NFIB: variants seen among roughly 807,000 people sequenced by gnomAD.
The protein encoded by NFIB is nuclear factor 1 B-type.
In NFIB, 11 loss-of-function variants were observed where a neutral mutation model predicts 61.5. The observed-to-expected ratio is 0.18, with a 90% CI of 0.11 to 0.30. The LOEUF (loss-of-function observed/expected upper bound fraction) is 0.30. Among genes scored for constraint, NFIB ranks in the 10% least tolerant of loss-of-function variants. NFIB has a pLI of 1.00. For synonymous variants in NFIB, 260 were observed against 216.5 expected (o/e 1.20, Z -1.76); for missense variants, 471 against 608.9 (o/e 0.77, Z 2.38).
intron 3 of NFIB, among the ~76,000 whole-genome samples, chr9:14,163,047 C>T (rs1056544458): frequency 1.7e-4 from 26 of 152,174 alleles, no homozygotes; most frequent in African/African-American, 6.0e-4. Flanking sequence ...AACTCTTCTA[C>T]ACCTCACATT....
At chr9:14,473,922 T>C in the NFIB span, among the ~76,000 whole-genome samples, 1 of 152,200 alleles carries the variant, frequency 6.6e-6, no homozygotes, top group Non-Finnish European at 1.5e-5. Context: ...CTCCTAAGTA[T>C]TGACTGTGGC....
chr9:14,396,070 C>A (rs954677760), intron 1 of NFIB, among the ~76,000 whole-genome samples: 4 of 152,218 alleles, frequency 2.6e-5, no homozygotes, highest in African/African-American at 9.6e-5. Flanking sequence ...GAGGCTTTTG[C>A]AGCCGATTCC....
Position 14,313,380 on chromosome 9 carries a change from G to C in NFIB, c.30+102C>G, listed in dbSNP as rs961007372. ...CCGGGCCACTTCTCCAAGGGACGGG[G>C]ATGTGCGGAGGTTAACTCAAGCCGC... is the stretch of plus-strand genomic sequence containing the variant. On this transcript the variant is annotated intron_variant, in intron 1 of 10. Transcript: ENST00000380953. This position sits in a 1 kb window ranked among gnomAD's most constrained non-coding sequence, Gnocchi z 4.5. The C allele has an allele frequency of 2.7e-5, 41 of 1,532,772 alleles. No homozygotes were observed. Among genetic ancestry groups the C allele is most frequent in the Non-Finnish European group, 3.3e-5 (37 of 1,113,994 alleles). 94.9% of individuals were successfully genotyped at this position (1,532,772 alleles called of 1,614,324 possible).
At chr9:14,500,467 G>A in the NFIB span, among the ~76,000 whole-genome samples, 1 of 152,118 alleles carries the variant, frequency 6.6e-6, no homozygotes, top group Non-Finnish European at 1.5e-5. Flanking sequence ...GAGACTTCTA[G>A]TGAGAGTTGC....
chr9:14,458,744 T>C, the NFIB span, among the ~76,000 whole-genome samples: 2 of 152,054 alleles, frequency 1.3e-5, no homozygotes, highest in East Asian at 3.9e-4. Flanking sequence ...GAGAGCCAAA[T>C]CATGAGTAAA....
chr9:14,342,683 C>T (rs1300219228), intron 1 of NFIB, among the ~76,000 whole-genome samples: 2 of 152,082 alleles, frequency 1.3e-5, no homozygotes, highest in East Asian at 1.9e-4. Context: ...TAATAAGTGG[C>T]CAATTATATT....
At chr9:14,373,758 G>T (rs1482921102) in intron 1 of NFIB, among the ~76,000 whole-genome samples, 1 of 151,940 alleles carries the variant, frequency 6.6e-6, no homozygotes, top group African/African-American at 2.4e-5. Flanking sequence ...GTTGGAATAA[G>T]ATTTGGCAGG....
chr9:14,218,787 A>G (rs1355409927), intron 2 of NFIB, among the ~76,000 whole-genome samples: 1 of 152,152 alleles, frequency 6.6e-6, no homozygotes, highest in Non-Finnish European at 1.5e-5. Context: ...GGATGCCTAG[A>G]TTTCTATTAA....
the NFIB span, among the ~76,000 whole-genome samples, chr9:14,447,977 T>A: frequency 6.6e-6 from 1 of 152,210 alleles, no homozygotes; most frequent in Non-Finnish European, 1.5e-5. Context: ...GGAAGTCCTC[T>A]ATTGATACTT....
At chr9:14,429,147 C>A in the NFIB span, among the ~76,000 whole-genome samples, 3 of 152,110 alleles carry the variant, frequency 2.0e-5, no homozygotes, top group African/African-American at 7.2e-5. Flanking sequence ...GTGGCACAAC[C>A]CAAGGCATGT....
At chr9:14,224,423 A>G (rs2131860555) in intron 2 of NFIB, among the ~76,000 whole-genome samples, 1 of 152,330 alleles carries the variant, frequency 6.6e-6, no homozygotes, top group East Asian at 1.9e-4. Context: ...TCACAGTTGG[A>G]TGTTCTGCCC....
In NFIB at chr9:14,120,568, T is replaced by G. The variant is rs775377230; in HGVS notation, c.1117A>C (p.Ile373Leu). 8 of 1,613,734 alleles carry G rather than the reference T, an allele frequency of 5.0e-6. No individual in the cohort carries two copies. In the Admixed American group the frequency reaches 1.3e-4, roughly 27 times the overall value. ...TAGCTCGATGGGGCTGGAGGAAGGATAGCTTGTGTTGGAAATGGCAACGGT... is the reference window on the plus strand; with the variant it reads ...TAGCTCGATGGGGCTGGAGGAAGGAGAGCTTGTGTTGGAAATGGCAACGGT... ...PSPLPFPTQA[I>L]LPPAPSSYFS... The change falls in exon 8 of 11, where the codon ATC becomes CTC. Residue 373 changes from isoleucine (I) to leucine (L), a missense_variant. By Grantham distance (5) the Ile-to-Leu change is conservative (BLOSUM62 2). Transcript: ENST00000380953. The surrounding 1 kb of genome is among the most constrained non-coding windows in gnomAD (Gnocchi z 4.4).
chr9:14,432,772 T>C, the NFIB span, among the ~76,000 whole-genome samples: 15 of 152,264 alleles, frequency 9.9e-5, no homozygotes, highest in African/African-American at 3.4e-4. Flanking sequence ...AAAGTGGGTA[T>C]TGAAAGAGGA....
chr9:14,359,681 A>G (rs572937858), intron 1 of NFIB, among the ~76,000 whole-genome samples: 4 of 152,306 alleles, frequency 2.6e-5, no homozygotes, highest in African/African-American at 9.6e-5. Context: ...GCACTAGTGT[A>G]TGGTTGAGGG....
the NFIB span, among the ~76,000 whole-genome samples, chr9:14,430,364 G>GA: frequency 0.17 from 24,533 of 143,316 alleles, 2,086 homozygotes; most frequent in South Asian, 0.28. Flanking sequence ...AGGAAGAAAA[G>GA]AAAAAAAAAA....
intron 2 of NFIB, among the ~76,000 whole-genome samples, chr9:14,262,295 G>GT (rs1337409474): frequency 6.6e-6 from 1 of 152,190 alleles, no homozygotes; most frequent in Non-Finnish European, 1.5e-5. Context: ...CCCTCCCAGA[G>GT]ATACCATCAA....
chr9:14,415,781 T>C, the NFIB span, among the ~76,000 whole-genome samples: 1 of 152,168 alleles, frequency 6.6e-6, no homozygotes, highest in East Asian at 1.9e-4. Flanking sequence ...ATCCCTCAAG[T>C]CCCACCAAGA....
At chr9:14,171,100 T>C (rs751958768) in intron 3 of NFIB, among the ~76,000 whole-genome samples, 1 of 152,158 alleles carries the variant, frequency 6.6e-6, no homozygotes, top group African/African-American at 2.4e-5. Flanking sequence ...TTAACTCTTC[T>C]CCCCATTCTT....
the NFIB span, among the ~76,000 whole-genome samples, chr9:14,434,999 G>C: frequency 1.1e-4 from 16 of 152,208 alleles, no homozygotes; most frequent in Admixed American, 5.2e-4. Context: ...GAAGAGAAAA[G>C]TTTCACATAA....
Sources: allele counts gnomAD v4.1 joint callset (sites outside exome capture counted in the v4.1 genomes callset), GRCh38; gene constraint gnomAD v4.1.1; non-coding constraint Gnocchi (gnomAD v3.1); transcripts MANE v1.5; gene names NCBI Gene and HGNC (gene_info 2026-07-23, HGNC 2026-07-21).